NOX5: variants seen among roughly 807,000 people sequenced by gnomAD.
NOX5 encodes NADPH oxidase 5.
A neutral mutation model predicts 85.7 loss-of-function variants in NOX5; 76 were observed. The observed-to-expected ratio is 0.89, with a 90% CI of 0.74 to 1.07. NOX5 has a LOEUF of 1.07. Among genes scored for constraint, NOX5 ranks in the 50% least tolerant of loss-of-function variants. NOX5 has a pLI of 0.00. For missense variants in NOX5, 973 were observed against 999.5 expected, an observed-to-expected ratio of 0.97 and a Z score of 0.36; for synonymous variants, 405 against 401.4, an observed-to-expected ratio of 1.01 and a Z score of -0.11.
At chr15:69,031,352 G>A in intron 3 of NOX5, 166 bp from the exon 4 acceptor site, 2 of 690,844 alleles carry the variant, frequency 2.9e-6, no homozygotes, top group Non-Finnish European at 2.4e-6. Flanking sequence ...TTCTCCACCC[G>A]TGGGGAGGTG....
chr15:69,019,765 A>T (rs374236645), intron 1 of NOX5, among the ~76,000 whole-genome samples: 99 of 152,346 alleles, frequency 6.5e-4, no homozygotes, highest in African/African-American at 2.3e-3. Context: ...GATGATGGAT[A>T]TGGGCCATTA....
chr15:69,023,096 C>T (rs2140248315), intron 1 of NOX5: 1 of 420,770 alleles, frequency 2.4e-6, no homozygotes, highest in East Asian at 7.4e-5. Context: ...ACCCTGCAGA[C>T]TTCTTCCTGG....
intron 1 of NOX5, chr15:69,022,643 CAGA>C (rs2050308947): frequency 5.3e-6 from 1 of 187,920 alleles, no homozygotes; most frequent in Non-Finnish European, 1.1e-5. Context: ...TTACAGTTCT[CAGA>C]AGCTCTTCAG....
intron 1 of NOX5, among the ~76,000 whole-genome samples, chr15:69,015,960 T>G (rs1342222469): frequency 6.6e-6 from 1 of 151,754 alleles, no homozygotes; most frequent in African/African-American, 2.4e-5. Flanking sequence ...CCCAGGACAG[T>G]GGTTCTCTGG....
At chr15:69,030,223 GATA>G (rs1294144843) in intron 3 of NOX5, 2 of 152,312 alleles carry the variant, frequency 1.3e-5, no homozygotes, top group Middle Eastern at 3.4e-3. Flanking sequence ...TAGGAATTAT[GATA>G]ATAATATTTC....
chr15:69,035,952 C>A lies in NOX5; in HGVS notation c.1188+16C>A. 1 of 1,613,420 alleles carries A rather than the reference C, an allele frequency of 6.2e-7. No individual in the cohort carries two copies. The highest frequency in any genetic ancestry group is 8.5e-7 in the Non-Finnish European group (1 of 1,179,516). Reference sequence around the variant, plus strand: ...CCACTTTGAGGTGCCCCAGTTGCTGCCCTTTTGCTTCCCCCAAGGCCAGGG... The same window carrying A: ...CCACTTTGAGGTGCCCCAGTTGCTGACCTTTTGCTTCCCCCAAGGCCAGGG... On this transcript the variant is annotated intron_variant, in intron 7 of 15. Transcript: ENST00000388866.
intron 10 of NOX5, chr15:69,045,846 A>T (rs2050666789): frequency 6.6e-6 from 1 of 152,212 alleles, no homozygotes; most frequent in African/African-American, 2.4e-5. Flanking sequence ...GCTGTCTCAC[A>T]GCATAACTCT....
chr15:69,017,747 T>A (rs1276979450), intron 1 of NOX5, among the ~76,000 whole-genome samples: 1 of 151,924 alleles, frequency 6.6e-6, no homozygotes, highest in Non-Finnish European at 1.5e-5. Context: ...AAGTATTTTA[T>A]AGTTTGACTC....
intron 10 of NOX5, chr15:69,046,447 T>A (rs1262677301): frequency 1.1e-5 from 2 of 188,904 alleles, no homozygotes; most frequent in Admixed American, 1.1e-4. Flanking sequence ...TCCAGGCTAG[T>A]AGGGGAATGC....
chr15:69,058,817 G>A lies in NOX5; in HGVS notation c.*2121G>A, dbSNP rs1011157526. The stretch of plus-strand genomic sequence containing the variant: ...TTCCCCTCTTCATCAGGCTTGGGAA[G>A]GCTTGGACAAAACGCTCTCTGGGGC... On this transcript the variant is annotated 3_prime_UTR_variant, in exon 16 of 16. Transcript: ENST00000388866. The A allele has an allele frequency of 6.6e-6, 1 of 152,260 alleles. No homozygotes were observed. Among genetic ancestry groups the A allele is most frequent in the Admixed American group, 6.5e-5 (1 of 15,276 alleles). The allele number at this position is 152,260 out of a possible 1,614,324, so 9.4% of individuals were successfully genotyped here.
chr15:69,037,260 C>T, intron 8 of NOX5, 50 bp downstream of exon 8: 2 of 1,548,094 alleles, frequency 1.3e-6, no homozygotes, highest in Non-Finnish European at 8.8e-7. Context: ...CCCCAAGGGA[C>T]AGTTTGTGGG....
intron 15 of NOX5, 40 bp from the exon 16 acceptor site, chr15:69,056,525 C>G: frequency 6.2e-7 from 1 of 1,604,534 alleles, no homozygotes; most frequent in Non-Finnish European, 8.5e-7. Context: ...GCAGCTCCAC[C>G]TATCTTCCCT....
At chr15:69,047,006 C>A in intron 11 of NOX5, 140 bp downstream of exon 11, 1 of 827,116 alleles carries the variant, frequency 1.2e-6, no homozygotes, top group East Asian at 2.5e-5. Context: ...TCCAGGTATC[C>A]GGGTCATGTA....
chr15:69,021,213 ACTAT>A (rs1029087157), intron 1 of NOX5, among the ~76,000 whole-genome samples: 5 of 152,224 alleles, frequency 3.3e-5, no homozygotes, highest in Admixed American at 2.6e-4. Context: ...TGGGAATCTT[ACTAT>A]CTCTTTCTAT....
intron 11 of NOX5, chr15:69,047,120 G>A (rs1319167899): frequency 3.5e-6 from 2 of 565,714 alleles, no homozygotes; most frequent in Non-Finnish European, 3.1e-6. Context: ...ATAGGCCTAC[G>A]TGCTCTCCAT....
Position 69,035,762 on chromosome 15 carries a change from CCAGGCT to C in NOX5, c.1020_1025del (p.Gln341_Ala342del), listed in dbSNP as rs763228656. The C allele has an allele frequency of 8.1e-6, 13 of 1,613,762 alleles. No homozygotes were observed. In the Admixed American group the frequency reaches 2.2e-4, roughly 27 times the overall value. On this transcript the variant is annotated inframe_deletion, in exon 7 of 16. Transcript: ENST00000388866. ...CCTTTCTGAGCTTGTTTCCAGTACT[CCAGGCT>C]CAGGCGGAGGCCAGCCCTTTCCAGT...
chr15:69,033,112 C>G lies in NOX5; in HGVS notation c.690C>G (p.Ala230=). 1 of 1,558,320 alleles carries G rather than the reference C, an allele frequency of 6.4e-7. No homozygotes were observed. The highest frequency in any genetic ancestry group is 8.6e-7 in the Non-Finnish European group (1 of 1,158,226). The stretch of plus-strand genomic sequence containing the variant: ...GCCGGCCGCGCCAGCTGACCCGCGC[C>G]TACTGGCACAACCACCGCAGCCAGC... ...RPRRPRQLTR[A]YWHNHRSQLF... Residue 230 remains alanine, a synonymous_variant, in exon 5 of 16, where the codon GCC becomes GCG. Coordinates refer to ENST00000388866, the MANE Select transcript of NOX5 (RefSeq NM_024505.4).
rs2050833816 is a variant in NOX5 at position 69,057,979 on chromosome 15, G to A, written c.*1283G>A. The stretch of plus-strand genomic sequence containing the variant: ...AGGAGCGGCCCTGGGCAGAGGACAG[G>A]GTGGGCCTCACCTCCTCCATCTGAG... On this transcript the variant is annotated 3_prime_UTR_variant, in exon 16 of 16. Transcript: ENST00000388866. 6.6e-6 allele frequency: 1 copy of A among 152,316 alleles called. No homozygotes were observed. Among genetic ancestry groups the A allele is most frequent in the South Asian group, 2.1e-4 (1 of 4,824 alleles). 9.4% of individuals were successfully genotyped at this position (152,316 alleles called of 1,614,324 possible). A position where few individuals can be genotyped will look rare whatever the true frequency, so the allele number is the denominator to read the frequency against.
intron 1 of NOX5, chr15:69,024,263 T>C (rs2050329090): frequency 6.6e-6 from 1 of 152,326 alleles, no homozygotes; most frequent in East Asian, 1.9e-4. Flanking sequence ...AAGAATAATT[T>C]GATGAGTGTC....
Sources: allele counts gnomAD v4.1 joint callset (sites outside exome capture counted in the v4.1 genomes callset), GRCh38; gene constraint gnomAD v4.1.1; transcripts MANE v1.5; gene names NCBI Gene and HGNC (gene_info 2026-07-23, HGNC 2026-07-21).